Variants in MEI4 observed in about 807,000 individuals in gnomAD.
MEI4 encodes meiotic double-stranded break formation protein 4, also known as meiosis-specific protein MEI4.
Under a neutral mutation model 31.4 loss-of-function variants are expected in MEI4, and 27 were observed. That is an observed-to-expected ratio of 0.86 (90% confidence interval 0.63 to 1.19). The LOEUF (loss-of-function observed/expected upper bound fraction) is 1.19. Among genes scored for constraint, MEI4 ranks in the 50% most tolerant of loss-of-function variants. The probability of loss-of-function intolerance (pLI) is 0.00; values close to 1 mark genes in which losing one functional copy is unlikely to be tolerated. For missense variants in MEI4, 329 were observed against 398.9 expected (o/e 0.82, Z 1.49); for synonymous variants, 122 against 145.4 (o/e 0.84, Z 1.16).
intron 3 of MEI4, among the ~76,000 whole-genome samples, chr6:77,793,767 C>T (rs1324649786): frequency 1.3e-5 from 2 of 151,282 alleles, no homozygotes; most frequent in Non-Finnish European, 2.9e-5. Flanking sequence ...TGTGACATCA[C>T]AAAGAAAAAG....
intron 3 of MEI4, among the ~76,000 whole-genome samples, chr6:77,767,993 A>G (rs1279053890): frequency 6.6e-6 from 1 of 152,202 alleles, no homozygotes; most frequent in African/African-American, 2.4e-5. Context: ...TCTTCCTATT[A>G]TGCTTTATAG....
chr6:77,893,768 A>G (rs1325944508), intron 4 of MEI4, among the ~76,000 whole-genome samples: 2 of 152,230 alleles, frequency 1.3e-5, no homozygotes, highest in South Asian at 2.1e-4. Flanking sequence ...TTTTTCTGGG[A>G]CCATTTGGCT....
At chr6:77,887,334 C>A (rs1581953036) in intron 4 of MEI4, among the ~76,000 whole-genome samples, 1 of 151,734 alleles carries the variant, frequency 6.6e-6, no homozygotes, top group African/African-American at 2.4e-5. Context: ...TTTTGTCGCC[C>A]AGGTTGGAGT....
intron 2 of MEI4, among the ~76,000 whole-genome samples, chr6:77,741,319 G>C (rs1767394370): frequency 6.6e-6 from 1 of 152,190 alleles, no homozygotes; most frequent in Non-Finnish European, 1.5e-5. Flanking sequence ...GGTATGGGTA[G>C]CCTGTGGGAG....
chr6:77,901,874 T>G (rs1180883531), intron 4 of MEI4, among the ~76,000 whole-genome samples: 2 of 152,058 alleles, frequency 1.3e-5, no homozygotes, highest in African/African-American at 2.4e-5. Context: ...CCATTTTGAG[T>G]TGATTTTTGT....
chr6:77,698,602 C>G (rs1766121347), intron 2 of MEI4, among the ~76,000 whole-genome samples: 1 of 152,208 alleles, frequency 6.6e-6, no homozygotes, highest in Non-Finnish European at 1.5e-5. Context: ...GGCCCCCACT[C>G]TCTTCTGGCT....
rs1333139263 is a variant in MEI4 at position 77,828,840 on chromosome 6, C to T, written c.769-91C>T. The T allele has an allele frequency of 4.1e-6, 4 of 964,854 alleles. No individual in the cohort carries two copies. The East Asian group carries it at 1.3e-4, about 32-fold the overall frequency. 59.8% of individuals were successfully genotyped at this position (964,854 alleles called of 1,614,324 possible). On this transcript the variant is annotated intron_variant, in intron 3 of 4. Transcript: ENST00000684080. ...AATTACATTGATACTTTTTATATTC[C>T]TCACAGCATTTAGCTCAGTAGTAAG...
chr6:77,687,392 A>G (rs1175090801), intron 1 of MEI4, among the ~76,000 whole-genome samples: 1 of 152,140 alleles, frequency 6.6e-6, no homozygotes, highest in Non-Finnish European at 1.5e-5. Context: ...AACAGAGAAT[A>G]TATTTAGGAA....
chr6:77,861,849 C>A (rs9448235), intron 4 of MEI4, among the ~76,000 whole-genome samples: 1 of 151,942 alleles, frequency 6.6e-6, no homozygotes, highest in Non-Finnish European at 1.5e-5. Context: ...CATGATAGTT[C>A]TTGTATTGTT....
intron 4 of MEI4, among the ~76,000 whole-genome samples, chr6:77,864,358 T>C (rs1475022156): frequency 6.6e-6 from 1 of 152,026 alleles, no homozygotes; most frequent in South Asian, 2.1e-4. Flanking sequence ...GAGACACACA[T>C]AGGCTCAAAA....
At chr6:77,660,918 C>T (rs1768492998) in intron 1 of MEI4, among the ~76,000 whole-genome samples, 1 of 152,052 alleles carries the variant, frequency 6.6e-6, no homozygotes, top group African/African-American at 2.4e-5. Flanking sequence ...GATTGTCCAG[C>T]TAGGGTGTCT....
chr6:77,679,021 G>C (rs1451681147), intron 1 of MEI4, among the ~76,000 whole-genome samples: 2 of 151,958 alleles, frequency 1.3e-5, no homozygotes, highest in Non-Finnish European at 2.9e-5. Context: ...TATTGGATAT[G>C]GCTATACAAT....
At chr6:77,844,844 C>G (rs1770443379) in intron 4 of MEI4, among the ~76,000 whole-genome samples, 1 of 152,024 alleles carries the variant, frequency 6.6e-6, no homozygotes, top group Admixed American at 6.6e-5. Flanking sequence ...AAAAATGATG[C>G]AGTAGAGATG....
intron 4 of MEI4, among the ~76,000 whole-genome samples, chr6:77,841,331 A>ATTTTTTT (rs1562008564): frequency 3.0e-3 from 106 of 35,416 alleles, no homozygotes; most frequent in African/African-American, 0.026. Flanking sequence ...ATATATATAT[A>ATTTTTTT]TATTTTTTTT....
rs115380873 is a variant in MEI4, at chr6:77,727,870, C to T, written c.233-33260C>T. 8.1e-3 allele frequency among the ~76,000 whole-genome samples: 1,239 copies of T among 152,314 alleles called. 19 individuals are homozygous for T. Among genetic ancestry groups the T allele is most frequent in the African/African-American group, 0.029 (1,187 of 41,572 alleles). On this transcript the variant is annotated intron_variant, in intron 2 of 4. Transcript: ENST00000684080. ...AAGCAGCTCAGACTTGGAGCATCCT[C>T]GCAGGAGTTTCCTGATTGAAATCTC...
chr6:77,742,500 A>G (rs111945921), intron 2 of MEI4, among the ~76,000 whole-genome samples: 31,184 of 151,996 alleles, frequency 0.21, 3,546 homozygotes, highest in African/African-American at 0.3. Context: ...ATTTGAGTTC[A>G]TTGTAGATTC....
At chr6:77,703,947 A>G (rs1766277229) in intron 2 of MEI4, among the ~76,000 whole-genome samples, 1 of 152,150 alleles carries the variant, frequency 6.6e-6, no homozygotes, top group South Asian at 2.1e-4. Flanking sequence ...GTAGTTGAAG[A>G]GAGTGCAAAT....
intron 4 of MEI4, among the ~76,000 whole-genome samples, chr6:77,916,197 C>T (rs1014903701): frequency 1.3e-5 from 2 of 152,022 alleles, no homozygotes; most frequent in Middle Eastern, 3.4e-3. Context: ...TATCTGTGTT[C>T]TATCTCACTG....
rs1771613528 is a variant in MEI4 at position 77,886,169 on chromosome 6, C to A, written c.901-36920C>A. ...TTATTTTCTATGAGAGTAATACTGG[C>A]ATAATACAATGAGTTAGGAAGAATT... On this transcript the variant is annotated intron_variant, in intron 4 of 4. Transcript: ENST00000684080. 1.3e-5 allele frequency among the ~76,000 whole-genome samples: 2 copies of A among 152,008 alleles called. 1 individual carries two copies. Among genetic ancestry groups the A allele is most frequent in the Admixed American group, 1.3e-4 (2 of 15,268 alleles).
Sources: gnomAD v4.1 joint callset for allele counts (sites outside exome capture counted in the v4.1 genomes callset) on GRCh38, gnomAD v4.1.1 for gene constraint, MANE v1.5 for transcripts, NCBI Gene and HGNC (gene_info 2026-07-23, HGNC 2026-07-21) for gene names.